CSMD2: variants seen among roughly 807,000 people sequenced by gnomAD.
CSMD2 encodes the protein CUB and sushi domain-containing protein 2.
CSMD2 carries 130 observed loss-of-function variants against 398.5 expected under a neutral mutation model. That is an observed-to-expected ratio of 0.33 (90% CI 0.28 to 0.38). The LOEUF (loss-of-function observed/expected upper bound fraction) is 0.38. Ranked by LOEUF, CSMD2 falls within the 10% of genes least tolerant of loss-of-function variation. CSMD2 has a pLI of 1.00. For missense variants in CSMD2, 3,829 were observed against 4,764.9 expected (o/e 0.80, Z 5.78); for synonymous variants, 1,828 against 1,908.5 (o/e 0.96, Z 1.10).
intron 1 of CSMD2, among the ~76,000 whole-genome samples, chr1:34,090,303 C>A (rs1558368222): frequency 6.6e-6 from 1 of 152,172 alleles, no homozygotes; most frequent in South Asian, 2.1e-4. Flanking sequence ...CTTTGAGCAG[C>A]AATGCCCTGA....
At chr1:34,090,030 C>G (rs1291181022) in intron 1 of CSMD2, among the ~76,000 whole-genome samples, 1 of 152,174 alleles carries the variant, frequency 6.6e-6, no homozygotes, top group Non-Finnish European at 1.5e-5. Context: ...TTGATCCACC[C>G]AAACAGATCT....
chr1:33,888,756 T>TTTGTTGTTGTTGTTGTTG (rs140395748), intron 5 of CSMD2, among the ~76,000 whole-genome samples: 2,849 of 148,920 alleles, frequency 0.019, 100 homozygotes, highest in African/African-American at 0.064. Context: ...TCAACTGATT[T>TTTGTTGTTGTTGTTGTTG]TTGTTGTTGT....
intron 1 of CSMD2, among the ~76,000 whole-genome samples, chr1:34,129,651 C>T (rs1161029408): frequency 2.0e-5 from 3 of 152,028 alleles, no homozygotes; most frequent in Non-Finnish European, 4.4e-5. Flanking sequence ...GACTCTGTCT[C>T]AAAAAAATAA....
chr1:33,526,919 A>G (rs1654826570), intron 65 of CSMD2, among the ~76,000 whole-genome samples: 1 of 152,204 alleles, frequency 6.6e-6, no homozygotes, highest in African/African-American at 2.4e-5. Context: ...GGCCAGTCCT[A>G]TGCCAGGAGG....
At chr1:34,058,098 G>A (rs116164342) in intron 2 of CSMD2, among the ~76,000 whole-genome samples, 99 of 152,310 alleles carry the variant, frequency 6.5e-4, no homozygotes, top group South Asian at 1.2e-3. Flanking sequence ...TGTAGTGGGA[G>A]TGACAACTCC....
intron 13 of CSMD2, among the ~76,000 whole-genome samples, chr1:33,762,817 C>T (rs1263208423): frequency 1.1e-4 from 16 of 152,174 alleles, no homozygotes; most frequent in Admixed American, 1.0e-3. Flanking sequence ...GGGCAAGAAC[C>T]ATGTTTGAAT....
chr1:33,652,160 G>A (rs1478864340), intron 28 of CSMD2, among the ~76,000 whole-genome samples, 163 bp downstream of exon 28: 2 of 152,152 alleles, frequency 1.3e-5, no homozygotes, highest in Admixed American at 1.3e-4. Context: ...TGCTTGGCAC[G>A]TAGATGTTCA....
At chr1:33,584,775 GCATCT>G (rs1184316876) in intron 46 of CSMD2, among the ~76,000 whole-genome samples, 1 of 150,586 alleles carries the variant, frequency 6.6e-6, no homozygotes, top group Non-Finnish European at 1.5e-5. Context: ...GATGAAAACT[GCATCT>G]TGAACAGAAA....
rs145487948 is a variant in CSMD2 at position 34,153,686 on chromosome 1, G to T, written c.187+11225C>A. 2.0e-4 allele frequency among the ~76,000 whole-genome samples: 31 copies of T among 152,176 alleles called. 1 individual carries two copies. Among genetic ancestry groups the T allele is most frequent in the African/African-American group, 2.4e-5 (1 of 41,434 alleles). ...AAATTGTACTTTAACTGGGGCCTTC[G>T]GGAAACACAGGGCCTTGAGCCAGAA... On this transcript the variant is annotated intron_variant, in intron 1 of 70. Coordinates refer to ENST00000373381, the MANE Select transcript of CSMD2 (RefSeq NM_001281956.2).
chr1:33,782,304 T>C (rs1173636596), intron 12 of CSMD2, among the ~76,000 whole-genome samples: 2 of 152,048 alleles, frequency 1.3e-5, no homozygotes, highest in Non-Finnish European at 2.9e-5. Flanking sequence ...CAGGTAATGA[T>C]GTAGGTTGGA....
rs1271097421 is a variant in CSMD2, at chr1:33,646,720, T to C, written c.4702A>G (p.Ser1568Gly). ...SQLPGRIESS[S>G]NSLFLAFRSD... ...CGGAAGGCGAGGAAGAGGCTGTTGC[T>C]GCTGCTTTCAATGCGGCCTGGGAGC... The change falls in exon 29 of 71, where the codon AGC becomes GGC. Residue 1568 changes from serine (S) to glycine (G), a missense_variant. Ser to Gly is a moderately conservative substitution (Grantham distance 56, BLOSUM62 0). Coordinates refer to ENST00000373381, the MANE Select transcript of CSMD2 (RefSeq NM_001281956.2). 13 of 1,614,102 alleles carry C rather than the reference T, an allele frequency of 8.1e-6. No individual in the cohort carries two copies. Among genetic ancestry groups the C allele is most frequent in the African/African-American group, 1.3e-5 (1 of 74,930 alleles).
intron 5 of CSMD2, among the ~76,000 whole-genome samples, chr1:33,849,900 T>C (rs1638577602): frequency 6.6e-6 from 1 of 152,126 alleles, no homozygotes; most frequent in Non-Finnish European, 1.5e-5. Context: ...AAAACGAACC[T>C]TCAATGGATC....
At chr1:33,913,096 G>A (rs1000470728) in intron 5 of CSMD2, among the ~76,000 whole-genome samples, 2 of 152,182 alleles carry the variant, frequency 1.3e-5, no homozygotes, top group African/African-American at 4.8e-5. Flanking sequence ...ACAGGTGTGA[G>A]TCACTGCATC....
chr1:33,541,168 T>C lies in CSMD2; in HGVS notation c.9419A>G (p.Lys3140Arg), dbSNP rs770168623. The stretch of plus-strand genomic sequence containing the variant: ...CTTGGTTCCATTCCATGTCCGGTCC[T>C]TGGTGCAGCTCAGCACAGATACTCT... ...SHRVSVLSCT[K>R]DRTWNGTKPV... The change falls in exon 59 of 71, where the codon AAG becomes AGG. Residue 3140 changes from lysine to arginine, a missense_variant. By Grantham distance (26) the Lys-to-Arg change is conservative. Coordinates refer to ENST00000373381, the MANE Select transcript of CSMD2 (RefSeq NM_001281956.2). 1 of 1,614,164 alleles carries C rather than the reference T, an allele frequency of 6.2e-7. No individual in the cohort carries two copies. Among genetic ancestry groups the C allele is most frequent in the Non-Finnish European group, 8.5e-7 (1 of 1,180,012 alleles).
Position 33,622,376 on chromosome 1 carries a change from A to C in CSMD2, c.5723-105T>G, listed in dbSNP as rs1641827662. On this transcript the variant is annotated intron_variant, in intron 36 of 70. Coordinates refer to ENST00000373381, the MANE Select transcript of CSMD2 (RefSeq NM_001281956.2). ...TGCTACCTGCTGACATTCTGCTCCC[A>C]AGGCCCCCAGATGTCCCCAGTTATG... 64 of 794,758 alleles carry C rather than the reference A, an allele frequency of 8.1e-5. No homozygotes were observed. In the South Asian group the frequency reaches 9.2e-4, roughly 11 times the overall value. The allele number at this position is 794,758 out of a possible 1,614,324, so 49.2% of individuals were successfully genotyped here.
At chr1:34,083,259 C>A (rs1016464949) in intron 2 of CSMD2, among the ~76,000 whole-genome samples, 2 of 152,152 alleles carry the variant, frequency 1.3e-5, no homozygotes, top group African/African-American at 2.4e-5. Flanking sequence ...TCTGATAGAA[C>A]CAGAGAGGCT....
rs556071815 is a variant in CSMD2 at position 33,727,955 on chromosome 1, G to A, written c.2369-1270C>T. On this transcript the variant is annotated intron_variant, in intron 15 of 70. Coordinates refer to ENST00000373381, the MANE Select transcript of CSMD2 (RefSeq NM_001281956.2). ...TGGGGGTTGACTCCACCTCAGTCAG[G>A]CACTGAGCTTACATACGTAATCATG... 1.8e-4 allele frequency among the ~76,000 whole-genome samples: 28 copies of A among 152,274 alleles called. No homozygotes were observed. In the East Asian group the frequency reaches 5.4e-3, roughly 29 times the overall value.
chr1:33,649,350 C>T (rs1273439470), intron 28 of CSMD2, among the ~76,000 whole-genome samples: 1 of 152,142 alleles, frequency 6.6e-6, no homozygotes, highest in Non-Finnish European at 1.5e-5. Context: ...GTTTATTTCT[C>T]ATCAACATAC....
rs112339036 is a variant in CSMD2, at chr1:33,700,459, A to G, written c.3733+58T>C. On this transcript the variant is annotated intron_variant, in intron 23 of 70. Transcript: ENST00000373381. Reference sequence around the variant, plus strand: ...TCGTGAGCAAGCAGAAGCTCAAATAAATGAATAAAATGGGAAACCCTGACT... The same window carrying G: ...TCGTGAGCAAGCAGAAGCTCAAATAGATGAATAAAATGGGAAACCCTGACT... 61 of 1,579,244 alleles carry G rather than the reference A, an allele frequency of 3.9e-5. 2 individuals are homozygous for G. The African/African-American group carries it at 7.1e-4, about 18-fold the overall frequency.
Sources: gnomAD v4.1 joint callset for allele counts (sites outside exome capture counted in the v4.1 genomes callset) on GRCh38, gnomAD v4.1.1 for gene constraint, MANE v1.5 for transcripts, NCBI Gene and HGNC (gene_info 2026-07-23, HGNC 2026-07-21) for gene names.